The following RHOA variants were observed in gnomAD, a reference collection of about 807,000 sequenced individuals.
RHOA encodes the protein ras homolog family member A, also known as transforming protein RhoA.
Under a neutral mutation model 17.5 loss-of-function variants are expected in RHOA, and 3 were observed. The ratio of observed to expected loss-of-function variants is 0.17; its 90% CI spans 0.08 to 0.44. RHOA has a LOEUF of 0.44. RHOA is among the 20% of genes least tolerant of loss of function. The probability of loss-of-function intolerance (pLI) is 0.99; values close to 1 mark genes in which losing one functional copy is unlikely to be tolerated. For missense variants in RHOA, 56 were observed against 242.3 expected (o/e 0.23, Z 5.10); for synonymous variants, 98 against 88.4 (o/e 1.11, Z -0.61).
At chr3:49,411,685 C>A in intron 1 of RHOA, 135 bp downstream of exon 1, 1 of 152,088 alleles carries the variant, frequency 6.6e-6, no homozygotes, top group South Asian at 2.1e-4. Context: ...GGTCAAGGGT[C>A]AGGGGCCAGG....
chr3:49,380,121 T>C (rs1351787205), intron 1 of RHOA, among the ~76,000 whole-genome samples: 7 of 152,200 alleles, frequency 4.6e-5, no homozygotes, highest in Non-Finnish European at 1.0e-4. Flanking sequence ...CCAGAAAGTC[T>C]TTCTTAAAGG....
chr3:49,362,664 A>G, intron 3 of RHOA, 38 bp from the exon 4 acceptor site: 1 of 1,562,218 alleles, frequency 6.4e-7, no homozygotes, highest in Non-Finnish European at 8.7e-7. Flanking sequence ...GATACATACA[A>G]TTCTATCTTG....
chr3:49,396,991 G>A (rs1330151322), intron 1 of RHOA, among the ~76,000 whole-genome samples: 5 of 151,840 alleles, frequency 3.3e-5, no homozygotes, highest in Non-Finnish European at 5.9e-5. Context: ...TTACCCAGGC[G>A]TGGTAGCATA....
chr3:49,374,579 T>C (rs2048194967), intron 2 of RHOA, among the ~76,000 whole-genome samples: 1 of 151,690 alleles, frequency 6.6e-6, no homozygotes, highest in Non-Finnish European at 1.5e-5. Context: ...TAGCCAGGCA[T>C]GGCGGCGTGC....
intron 2 of RHOA, 74 bp downstream of exon 2, chr3:49,375,360 C>CTTAG: frequency 6.9e-7 from 1 of 1,442,676 alleles, no homozygotes; most frequent in African/African-American, 1.4e-5. Context: ...AGGCAAAAAG[C>CTTAG]TCTAATTCTC....
chr3:49,396,535 T>C (rs907556213), intron 1 of RHOA, among the ~76,000 whole-genome samples: 11 of 152,020 alleles, frequency 7.2e-5, no homozygotes, highest in Non-Finnish European at 1.3e-4. Flanking sequence ...AGTGAAACCT[T>C]ACCTCTACTA....
intron 3 of RHOA, chr3:49,365,043 T>G (rs2048032801): frequency 6.6e-6 from 1 of 152,190 alleles, no homozygotes; most frequent in African/African-American, 2.4e-5. Context: ...ATGTTATTTG[T>G]AATATTTACT....
chr3:49,368,687 AT>A, intron 2 of RHOA, 139 bp from the exon 3 acceptor site: 1 of 699,724 alleles, frequency 1.4e-6, no homozygotes. Context: ...ACACAGGAGT[AT>A]TTACATTTTT....
chr3:49,375,986 T>C (rs2048219711), intron 1 of RHOA, among the ~76,000 whole-genome samples: 1 of 152,000 alleles, frequency 6.6e-6, no homozygotes, highest in Admixed American at 6.6e-5. Context: ...GTAGCTGGGA[T>C]TACAGGCACG....
intron 1 of RHOA, among the ~76,000 whole-genome samples, chr3:49,403,720 T>C (rs2048765236): frequency 6.6e-6 from 1 of 152,102 alleles, no homozygotes; most frequent in African/African-American, 2.4e-5. Flanking sequence ...CAAGGCCCTA[T>C]GTCTAAAAAA....
chr3:49,411,698 CGGCTCGGCCACGAGCAGCCGGTGG>C (rs1418261317), intron 1 of RHOA, 98 bp downstream of exon 1: 2 of 152,030 alleles, frequency 1.3e-5, no homozygotes, highest in Non-Finnish European at 2.9e-5. Flanking sequence ...GGGCCAGGGG[CGGCTCGGCCACGAGCAGCCGGTGG>C]GGCGCGGCCG....
chr3:49,387,350 A>G lies in RHOA; in HGVS notation c.-2-11759T>C, dbSNP rs968979580. ...TCCCAGCTACTTGGGAGGCTGAGGCAGGAAAATTGCTTGAACCTGAGAAGC... is the reference window on the plus strand; with the variant it reads ...TCCCAGCTACTTGGGAGGCTGAGGCGGGAAAATTGCTTGAACCTGAGAAGC... On this transcript the variant is annotated intron_variant, in intron 1 of 4. Coordinates refer to ENST00000418115, the MANE Select transcript of RHOA (RefSeq NM_001664.4). Among the ~76,000 whole-genome samples, 6 of 150,514 alleles carry G rather than the reference A, an allele frequency of 4.0e-5. No individual in the cohort carries two copies. In the Admixed American group the frequency reaches 4.0e-4, roughly 10 times the overall value.
intron 1 of RHOA, among the ~76,000 whole-genome samples, chr3:49,390,157 T>TG (rs1383011178): frequency 6.6e-6 from 1 of 151,316 alleles, no homozygotes; most frequent in African/African-American, 2.4e-5. Context: ...TTCTTTAAGA[T>TG]GGAGTCTCAC....
chr3:49,392,447 C>T (rs1056904283), intron 1 of RHOA, among the ~76,000 whole-genome samples: 2 of 152,030 alleles, frequency 1.3e-5, no homozygotes, highest in Admixed American at 1.3e-4. Context: ...GTGTCAAAAA[C>T]AAGAACAACA....
At chr3:49,370,244 T>G (rs538328540) in intron 2 of RHOA, among the ~76,000 whole-genome samples, 1 of 152,158 alleles carries the variant, frequency 6.6e-6, no homozygotes, top group South Asian at 2.1e-4. Context: ...CTTGACTCAA[T>G]TAGGAAAAAA....
intron 2 of RHOA, among the ~76,000 whole-genome samples, chr3:49,375,069 G>C (rs950610995): frequency 2.2e-4 from 34 of 152,050 alleles, no homozygotes; most frequent in African/African-American, 7.7e-4. Context: ...TCAGAAGTTT[G>C]AGACCAGCCT....
intron 1 of RHOA, among the ~76,000 whole-genome samples, chr3:49,379,862 G>A (rs2048289372): frequency 6.6e-6 from 1 of 152,184 alleles, no homozygotes; most frequent in Non-Finnish European, 1.5e-5. Context: ...TGTAAGATAT[G>A]TGGATTATAT....
At chr3:49,360,452 A>G in intron 4 of RHOA, 70 bp from the exon 5 acceptor site, 1 of 1,462,524 alleles carries the variant, frequency 6.8e-7, no homozygotes. Context: ...AAAAGTATTC[A>G]AATTCATCTA....
intron 2 of RHOA, among the ~76,000 whole-genome samples, chr3:49,369,005 CCTTTTTT>C (rs2048105024): frequency 1.2e-5 from 1 of 84,286 alleles, no homozygotes; most frequent in Non-Finnish European, 2.1e-5. Flanking sequence ...CCGCGCCTGG[CCTTTTTT>C]TTTTTTTTTT....
Sources: gnomAD v4.1 joint callset for allele counts (sites outside exome capture counted in the v4.1 genomes callset) on GRCh38, gnomAD v4.1.1 for gene constraint, MANE v1.5 for transcripts, NCBI Gene and HGNC (gene_info 2026-07-23, HGNC 2026-07-21) for gene names.